Variants in ZMYM2 observed in about 807,000 individuals in gnomAD.
ZMYM2 encodes the protein zinc finger MYM-type protein 2.
Under a neutral mutation model 162.8 loss-of-function variants are expected in ZMYM2, and 56 were observed. The ratio of observed to expected loss-of-function variants is 0.34; its 90% CI spans 0.28 to 0.43. ZMYM2 has a LOEUF of 0.43. Ranked by LOEUF, ZMYM2 falls within the 20% of genes least tolerant of loss-of-function variation. ZMYM2 has a pLI of 1.00. For missense variants in ZMYM2, 1,275 were observed against 1,621.8 expected, an observed-to-expected ratio of 0.79 and a Z score of 3.67; for synonymous variants, 510 against 541.6, an observed-to-expected ratio of 0.94 and a Z score of 0.81.
chr13:20,027,456 T>C, intron 9 of ZMYM2, 138 bp downstream of exon 9: 1 of 612,350 alleles, frequency 1.6e-6, no homozygotes, highest in Non-Finnish European at 2.6e-6. Context: ...GATATCCTAG[T>C]CACAGAATAT....
At chr13:19,934,718 C>T in the ZMYM2 span, among the ~76,000 whole-genome samples, 2 of 151,932 alleles carry the variant, frequency 1.3e-5, no homozygotes, top group Admixed American at 6.6e-5. Context: ...ATTTCTCTCT[C>T]TCTTTATTTG....
At chr13:19,912,130 T>C in the ZMYM2 span, among the ~76,000 whole-genome samples, 1 of 152,166 alleles carries the variant, frequency 6.6e-6, no homozygotes, top group Non-Finnish European at 1.5e-5. Flanking sequence ...TATGCAGCTA[T>C]TGAGTTGGCA....
intron 17 of ZMYM2, among the ~76,000 whole-genome samples, chr13:20,062,018 A>G (rs1956273154): frequency 6.6e-6 from 1 of 152,158 alleles, no homozygotes; most frequent in Admixed American, 6.5e-5. Context: ...GTTCTAAGTC[A>G]CTTAGAATAT....
chr13:20,087,587 A>G lies in ZMYM2; in HGVS notation c.*1573A>G, dbSNP rs1488491866. 1 of 185,134 alleles carries G rather than the reference A, an allele frequency of 5.4e-6. No homozygotes were observed. The highest frequency in any genetic ancestry group is 6.2e-5 in the Admixed American group (1 of 16,078). The allele number at this position is 185,134 out of a possible 1,614,324, so 11.5% of individuals were successfully genotyped here. A position where few individuals can be genotyped will look rare whatever the true frequency, so the allele number is the denominator to read the frequency against. ...ATAAATGTTACAGCACACAAAAGAA[A>G]TTTTCTCAATTCTGATTTGGAAAAT... On this transcript the variant is annotated 3_prime_UTR_variant, in exon 25 of 25. Transcript: ENST00000610343.
the ZMYM2 span, among the ~76,000 whole-genome samples, chr13:19,884,677 G>T: frequency 1.3e-5 from 2 of 152,064 alleles, no homozygotes; most frequent in South Asian, 2.1e-4. Flanking sequence ...CTTAAAAGTA[G>T]CACGTCCGGA....
At chr13:19,880,381 GTTAAT>G in the ZMYM2 span, among the ~76,000 whole-genome samples, 14 of 151,986 alleles carry the variant, frequency 9.2e-5, no homozygotes, top group African/African-American at 2.2e-4. Context: ...CACCTTCTTC[GTTAAT>G]TTAATTCCTA....
intron 2 of ZMYM2, among the ~76,000 whole-genome samples, chr13:19,969,602 A>T (rs1275337072): frequency 6.6e-6 from 1 of 152,192 alleles, no homozygotes; most frequent in African/African-American, 2.4e-5. Context: ...GGATTGAATA[A>T]AAGAGATCAG....
At chr13:20,083,489 G>C in intron 23 of ZMYM2, 167 bp from the exon 24 acceptor site, 1 of 602,658 alleles carries the variant, frequency 1.7e-6, no homozygotes, top group Non-Finnish European at 2.8e-6. Flanking sequence ...TATGTCTTAA[G>C]ATGTCTCAGT....
At chr13:20,038,625 T>G (rs1367467642) in intron 12 of ZMYM2, among the ~76,000 whole-genome samples, 1 of 152,096 alleles carries the variant, frequency 6.6e-6, no homozygotes, top group Non-Finnish European at 1.5e-5. Flanking sequence ...GTTCCATTGG[T>G]CTATGTGTCT....
the ZMYM2 span, among the ~76,000 whole-genome samples, chr13:19,871,328 A>T: frequency 6.6e-6 from 1 of 152,228 alleles, no homozygotes; most frequent in African/African-American, 2.4e-5. Flanking sequence ...ATTTTTGCAA[A>T]GTGCATTACT....
chr13:19,882,444 AG>A, the ZMYM2 span, among the ~76,000 whole-genome samples: 2 of 152,184 alleles, frequency 1.3e-5, no homozygotes, highest in Non-Finnish European at 2.9e-5. Context: ...TAGAAAAATG[AG>A]TATTAAAACC....
At chr13:19,986,705 ATAACTAAC>A (rs1397968836) in intron 2 of ZMYM2, among the ~76,000 whole-genome samples, 1 of 152,206 alleles carries the variant, frequency 6.6e-6, no homozygotes, top group African/African-American at 2.4e-5. Flanking sequence ...GTCATCAGTA[ATAACTAAC>A]ATTCTTTTAA....
At chr13:20,024,801 TG>T (rs1031978690) in intron 7 of ZMYM2, 1 of 215,936 alleles carries the variant, frequency 4.6e-6, no homozygotes, top group African/African-American at 2.2e-5. Flanking sequence ...ACCATTCTTT[TG>T]CAGTTGACAA....
chr13:19,982,540 G>A (rs765190167), intron 2 of ZMYM2, among the ~76,000 whole-genome samples: 4 of 151,866 alleles, frequency 2.6e-5, no homozygotes, highest in African/African-American at 4.8e-5. Flanking sequence ...TACCTGCCTC[G>A]GCCTCCCAAA....
chr13:19,904,271 T>C, the ZMYM2 span, among the ~76,000 whole-genome samples: 13 of 152,190 alleles, frequency 8.5e-5, 1 homozygote, highest in South Asian at 2.5e-3. Context: ...AAAATAATAC[T>C]GTTGGCCGGG....
rs1958300426 is a variant in ZMYM2 at position 20,086,800 on chromosome 13, A to AAT, written c.*787_*788dup. 8.9e-6 allele frequency: 1 copy of AAT among 112,810 alleles called. No homozygotes were observed. The highest frequency in any genetic ancestry group is 3.0e-5 in the African/African-American group (1 of 33,444). 7.0% of individuals were successfully genotyped at this position (112,810 alleles called of 1,614,324 possible). On this transcript the variant is annotated 3_prime_UTR_variant, in exon 25 of 25. Transcript: ENST00000610343. Reference sequence around the variant, plus strand: ...ATATATATATATATATATATATATAAATGATTGTAAGTTGAAAACAAGATC... The same window carrying AAT: ...ATATATATATATATATATATATATAAATATGATTGTAAGTTGAAAACAAGATC...
chr13:20,067,424 A>C lies in ZMYM2; in HGVS notation c.3453+34A>C, dbSNP rs1284812872. On this transcript the variant is annotated intron_variant, in intron 21 of 24. Coordinates refer to ENST00000610343, the MANE Select transcript of ZMYM2 (RefSeq NM_197968.4). ...TTTGATGGCTGCTTTCAAGTATAAC[A>C]TTAATAAGAAAAGTTGTGGTAGTTC... 2.6e-6 allele frequency: 4 copies of C among 1,547,182 alleles called. No homozygotes were observed. In the South Asian group the frequency reaches 5.0e-5, roughly 19 times the overall value.
At chr13:20,073,834 T>C (rs1276351947) in intron 21 of ZMYM2, among the ~76,000 whole-genome samples, 1 of 152,134 alleles carries the variant, frequency 6.6e-6, no homozygotes, top group African/African-American at 2.4e-5. Flanking sequence ...TTTTTTTTTC[T>C]CTCAGTTTTT....
At chr13:19,890,141 G>A in the ZMYM2 span, among the ~76,000 whole-genome samples, 2,123 of 151,868 alleles carry the variant, frequency 0.014, 25 homozygotes, top group Non-Finnish European at 0.021. Flanking sequence ...ATCGAGAAAC[G>A]TATATCCAAA....
Sources: allele counts gnomAD v4.1 joint callset (sites outside exome capture counted in the v4.1 genomes callset), GRCh38; gene constraint gnomAD v4.1.1; transcripts MANE v1.5; gene names NCBI Gene and HGNC (gene_info 2026-07-23, HGNC 2026-07-21).